PDE4B: variants seen among roughly 807,000 people sequenced by gnomAD.
PDE4B encodes the protein phosphodiesterase 4B.
Under a neutral mutation model 82.2 loss-of-function variants are expected in PDE4B, and 20 were observed. That is an observed-to-expected ratio of 0.24 (90% CI 0.17 to 0.35). PDE4B has a LOEUF of 0.35. PDE4B is among the 10% of genes least tolerant of loss of function. PDE4B has a pLI of 1.00. For missense variants in PDE4B, 655 were observed against 907.2 expected (o/e 0.72, Z 3.57); for synonymous variants, 320 against 318.9 (o/e 1.00, Z -0.04).
chr1:66,089,667 C>T (rs907216115), intron 3 of PDE4B, among the ~76,000 whole-genome samples: 1 of 152,032 alleles, frequency 6.6e-6, no homozygotes, highest in African/African-American at 2.4e-5. Flanking sequence ...GATATAATCA[C>T]ATCAACTTCT....
chr1:66,369,838 A>G (rs1434905249), intron 16 of PDE4B, among the ~76,000 whole-genome samples: 1 of 152,166 alleles, frequency 6.6e-6, no homozygotes, highest in Non-Finnish European at 1.5e-5. Context: ...GAGAAACCCA[A>G]CTAAATGAGT....
intron 3 of PDE4B, among the ~76,000 whole-genome samples, chr1:66,006,460 G>A (rs1189009423): frequency 6.6e-6 from 1 of 152,118 alleles, no homozygotes; most frequent in Non-Finnish European, 1.5e-5. Context: ...GAGTATATCA[G>A]TATAGCCAGG....
chr1:66,161,869 A>T (rs2101263616), intron 3 of PDE4B, among the ~76,000 whole-genome samples: 1 of 152,358 alleles, frequency 6.6e-6, no homozygotes, highest in South Asian at 2.1e-4. Flanking sequence ...GTCTGGGTTG[A>T]AATCTCAAAT....
chr1:66,293,828 G>A (rs1366645655), intron 7 of PDE4B, among the ~76,000 whole-genome samples: 3 of 152,202 alleles, frequency 2.0e-5, no homozygotes, highest in African/African-American at 7.2e-5. Flanking sequence ...GGCTAGGTAT[G>A]TGATTTTGTT....
At chr1:65,892,572 C>T (rs779374563) in intron 1 of PDE4B, among the ~76,000 whole-genome samples, 4 of 152,030 alleles carry the variant, frequency 2.6e-5, no homozygotes, top group South Asian at 2.1e-4. Context: ...CACTTAAAAG[C>T]GTGTCTGCAT....
chr1:65,908,376 G>T (rs1237903900), intron 1 of PDE4B, among the ~76,000 whole-genome samples: 1 of 152,098 alleles, frequency 6.6e-6, no homozygotes, highest in Admixed American at 6.6e-5. Flanking sequence ...TGATTGGCTT[G>T]GGGCTGAAAG....
chr1:66,354,492 G>A lies in PDE4B; in HGVS notation c.748-1035G>A, dbSNP rs1662076223. 2.9e-6 allele frequency: 3 copies of A among 1,044,516 alleles called. No homozygotes were observed. The South Asian group carries it at 1.1e-4, about 39-fold the overall frequency. The allele number at this position is 1,044,516 out of a possible 1,614,324, so 64.7% of individuals were successfully genotyped here. A position where few individuals can be genotyped will look rare whatever the true frequency, so the allele number is the denominator to read the frequency against. On this transcript the variant is annotated intron_variant, in intron 8 of 16. Transcript: ENST00000341517. ...AGTTCAGCTGAGTAGGACTAATGTAGAAGAGTGGAAACCCCTTCGGCCACC... is the reference window on the plus strand; with the variant it reads ...AGTTCAGCTGAGTAGGACTAATGTAAAAGAGTGGAAACCCCTTCGGCCACC...
intron 3 of PDE4B, among the ~76,000 whole-genome samples, chr1:65,969,406 G>T (rs546304431): frequency 6.6e-6 from 1 of 152,142 alleles, no homozygotes; most frequent in Non-Finnish European, 1.5e-5. Flanking sequence ...CCTACCATCT[G>T]CCTAGGAAGA....
chr1:65,841,941 A>G (rs1318170011), intron 1 of PDE4B, among the ~76,000 whole-genome samples: 1 of 152,176 alleles, frequency 6.6e-6, no homozygotes, highest in East Asian at 1.9e-4. Flanking sequence ...AGTGGCAATA[A>G]CAAAAGGAAA....
intron 8 of PDE4B, chr1:66,354,821 G>C (rs1662109255): frequency 6.5e-7 from 1 of 1,535,432 alleles, no homozygotes; most frequent in Non-Finnish European, 8.7e-7. Flanking sequence ...GGGATTTGTG[G>C]ATTGTGGCAA....
intron 1 of PDE4B, among the ~76,000 whole-genome samples, chr1:65,859,918 T>G (rs1312347194): frequency 6.6e-6 from 1 of 152,208 alleles, no homozygotes; most frequent in African/African-American, 2.4e-5. Flanking sequence ...TTTTTGCCCA[T>G]GCAGGAGTAG....
intron 3 of PDE4B, among the ~76,000 whole-genome samples, chr1:66,202,252 G>A (rs1478362835): frequency 6.6e-6 from 1 of 151,882 alleles, no homozygotes; most frequent in East Asian, 1.9e-4. Context: ...TTGTTGAGGA[G>A]TGTTTTACTA....
intron 7 of PDE4B, among the ~76,000 whole-genome samples, chr1:66,318,892 T>C (rs1659199976): frequency 6.6e-6 from 1 of 152,218 alleles, no homozygotes; most frequent in South Asian, 2.1e-4. Context: ...ATGTGACTAG[T>C]AGCTACCATA....
chr1:65,828,302 GT>G (rs1487043215), intron 1 of PDE4B, among the ~76,000 whole-genome samples: 2 of 152,108 alleles, frequency 1.3e-5, no homozygotes, highest in African/African-American at 4.8e-5. Flanking sequence ...TTGGAGTGCA[GT>G]GGCGTGATCA....
chr1:66,211,228 C>T (rs1650023986), intron 3 of PDE4B, among the ~76,000 whole-genome samples: 1 of 152,226 alleles, frequency 6.6e-6, no homozygotes, highest in Non-Finnish European at 1.5e-5. Flanking sequence ...TACTCAGACA[C>T]TATCCAGGTG....
At chr1:65,919,987 A>G (rs1006362132) in intron 3 of PDE4B, among the ~76,000 whole-genome samples, 3 of 152,314 alleles carry the variant, frequency 2.0e-5, no homozygotes, top group African/African-American at 7.2e-5. Context: ...TTTGAGAAGG[A>G]CTGTCTTACA....
intron 3 of PDE4B, among the ~76,000 whole-genome samples, chr1:66,013,765 G>A (rs1652619887): frequency 6.6e-6 from 1 of 152,010 alleles, no homozygotes; most frequent in Non-Finnish European, 1.5e-5. Flanking sequence ...GAACATGGAT[G>A]TAAAAATATC....
intron 1 of PDE4B, among the ~76,000 whole-genome samples, chr1:65,829,536 A>C (rs1292500952): frequency 6.6e-6 from 1 of 152,208 alleles, no homozygotes; most frequent in African/African-American, 2.4e-5. Context: ...ACAAAGATAG[A>C]CTATATTCTG....
intron 8 of PDE4B, among the ~76,000 whole-genome samples, chr1:66,344,953 C>A (rs1246485142): frequency 6.6e-6 from 1 of 152,192 alleles, no homozygotes; most frequent in African/African-American, 2.4e-5. Flanking sequence ...TAGCGTTATT[C>A]TCTTTGAGTT....
Sources: gnomAD v4.1 joint callset for allele counts (sites outside exome capture counted in the v4.1 genomes callset) on GRCh38, gnomAD v4.1.1 for gene constraint, MANE v1.5 for transcripts, NCBI Gene and HGNC (gene_info 2026-07-23, HGNC 2026-07-21) for gene names.